Variants in EML5 observed in about 807,000 individuals in gnomAD.
EML5 encodes echinoderm microtubule-associated protein-like 5.
EML5 carries 120 observed loss-of-function variants against 250.0 expected under a neutral mutation model. The ratio of observed to expected loss-of-function variants is 0.48; its 90% CI spans 0.41 to 0.56. The LOEUF (loss-of-function observed/expected upper bound fraction) is 0.56. Ranked by LOEUF, EML5 falls within the 20% of genes least tolerant of loss-of-function variation. The pLI is 0.00. For missense variants in EML5, 2,006 were observed against 2,437.6 expected, an observed-to-expected ratio of 0.82 and a Z score of 3.73; for synonymous variants, 771 against 806.5, an observed-to-expected ratio of 0.96 and a Z score of 0.75.
intron 3 of EML5, among the ~76,000 whole-genome samples, chr14:88,745,267 T>A (rs1461935749): frequency 6.6e-6 from 1 of 151,878 alleles, no homozygotes; most frequent in Non-Finnish European, 1.5e-5. Context: ...CACAAAATTT[T>A]CTACCCAACT....
chr14:88,740,385 A>T lies in EML5; in HGVS notation c.711+2T>A. 6.2e-7 allele frequency: 1 copy of T among 1,604,546 alleles called. No individual in the cohort carries two copies. The highest frequency in any genetic ancestry group is 8.5e-7 in the Non-Finnish European group (1 of 1,175,708). On this transcript the variant is annotated splice_donor_variant, in intron 5 of 43. Transcript: ENST00000554922. LOFTEE classifies it high-confidence loss of function. ...GTGTTTAAAATACTTAAATGTACTTACAGCATGGGCTCCTTGTATTGTTCG... is the reference window on the plus strand; with the variant it reads ...GTGTTTAAAATACTTAAATGTACTTTCAGCATGGGCTCCTTGTATTGTTCG...
intron 16 of EML5, 146 bp from the exon 17 acceptor site, chr14:88,694,553 T>C (rs1451688493): frequency 1.6e-6 from 1 of 617,802 alleles, no homozygotes; most frequent in African/African-American, 1.9e-5. Context: ...GTATTTGTTC[T>C]TTTGTCATCA....
chr14:88,655,023 T>C (rs1227228551), intron 27 of EML5, among the ~76,000 whole-genome samples: 1 of 152,140 alleles, frequency 6.6e-6, no homozygotes, highest in Non-Finnish European at 1.5e-5. Context: ...CCTTTACCAT[T>C]ATGTAATGCC....
At chr14:88,777,025 T>C (rs2094453573) in intron 1 of EML5, among the ~76,000 whole-genome samples, 2 of 151,984 alleles carry the variant, frequency 1.3e-5, no homozygotes, top group African/African-American at 4.8e-5. Context: ...TTATTCAAAG[T>C]GATAACAACA....
chr14:88,640,355 C>A (rs945498623), intron 31 of EML5, among the ~76,000 whole-genome samples: 1 of 152,158 alleles, frequency 6.6e-6, no homozygotes, highest in African/African-American at 2.4e-5. Flanking sequence ...CTCTGCCATA[C>A]TCTCTACCCA....
intron 27 of EML5, among the ~76,000 whole-genome samples, chr14:88,655,265 G>T (rs2140875107): frequency 6.6e-6 from 1 of 152,184 alleles, no homozygotes; most frequent in East Asian, 1.9e-4. Context: ...GCATGGTACT[G>T]GTACCAAAAC....
intron 36 of EML5, chr14:88,623,334 TA>T (rs1284686310): frequency 2.0e-5 from 3 of 151,526 alleles, no homozygotes; most frequent in African/African-American, 7.3e-5. Flanking sequence ...ACTTCTTGAT[TA>T]GGAAGATGTA....
chr14:88,774,346 C>G (rs536319082), intron 1 of EML5, among the ~76,000 whole-genome samples: 89 of 152,236 alleles, frequency 5.8e-4, no homozygotes, highest in African/African-American at 1.9e-3. Context: ...CCAAGTAAAG[C>G]AGAAACTGCT....
At chr14:88,685,687 A>G (rs1188304194) in intron 19 of EML5, among the ~76,000 whole-genome samples, 1 of 151,836 alleles carries the variant, frequency 6.6e-6, no homozygotes, top group Non-Finnish European at 1.5e-5. Flanking sequence ...TGGGCTCAGG[A>G]GTTCCACCCA....
intron 33 of EML5, among the ~76,000 whole-genome samples, chr14:88,632,809 A>G (rs969680808): frequency 1.3e-5 from 2 of 152,178 alleles, no homozygotes; most frequent in Non-Finnish European, 1.5e-5. Context: ...CTTTATCCCT[A>G]TGTGACCAAC....
At position 88,644,114 on chromosome 14, in the gene EML5, C is replaced by T. The variant is rs2140673146; in HGVS notation, c.4107+319G>A. ...TACTCTTTAATTTACAAATTTAAGC[C>T]ACTAAATTTTAGATACTGCCAAGGT... On this transcript the variant is annotated intron_variant, in intron 30 of 43. Coordinates refer to ENST00000554922, the MANE Select transcript of EML5 (RefSeq NM_183387.3). Among the ~76,000 whole-genome samples the T allele has an allele frequency of 1.3e-5, 2 of 152,146 alleles. 1 individual carries two copies.
Position 88,624,963 on chromosome 14 carries a change from G to T in EML5, c.4898+7C>A. 1.2e-6 allele frequency: 2 copies of T among 1,612,294 alleles called. No homozygotes were observed. ...ATAAATATTCTGTGAAAAGAAAGAG[G>T]ACTCACGGCCTTTCCTTTCCCCCAG... On this transcript the variant is annotated splice_region_variant and intron_variant, in intron 36 of 43. Coordinates refer to ENST00000554922, the MANE Select transcript of EML5 (RefSeq NM_183387.3).
chr14:88,664,509 A>T lies in EML5; in HGVS notation c.3393T>A (p.Ile1131=). The T allele has an allele frequency of 6.2e-7, 1 of 1,605,590 alleles. No homozygotes were observed. Among genetic ancestry groups the T allele is most frequent in the Non-Finnish European group, 8.5e-7 (1 of 1,177,304 alleles). ...AAGTCTTACCTCTAATATCCCAATC[A>T]ATATGGGTTATGTAACTGGTAGCTC... The part of the protein sequence containing the change: ...CKGATSYITH[I]DWDIRGKLLQ... Residue 1131 remains isoleucine, a synonymous_variant, in exon 23 of 44, where the codon ATT becomes ATA. Coordinates refer to ENST00000554922, the MANE Select transcript of EML5 (RefSeq NM_183387.3).
intron 18 of EML5, among the ~76,000 whole-genome samples, chr14:88,687,924 G>A (rs1358939588): frequency 6.6e-6 from 1 of 152,096 alleles, no homozygotes; most frequent in Non-Finnish European, 1.5e-5. Context: ...TTAAAAATTA[G>A]ATGGGTGTGG....
Position 88,643,573 on chromosome 14 carries a change from G to T in EML5, c.4108-551C>A, listed in dbSNP as rs148343727. Among the ~76,000 whole-genome samples, 443 of 152,252 alleles carry T rather than the reference G, an allele frequency of 2.9e-3. 3 individuals are homozygous for T. The highest frequency in any genetic ancestry group is 0.01 in the African/African-American group (429 of 41,554). ...GCACCTGTGGATTTTGGCATCCCCAGGGGGAATCTATCCCCCATGGACATA... is the reference window on the plus strand; with the variant it reads ...GCACCTGTGGATTTTGGCATCCCCATGGGGAATCTATCCCCCATGGACATA... On this transcript the variant is annotated intron_variant, in intron 30 of 43. Transcript: ENST00000554922.
intron 9 of EML5, among the ~76,000 whole-genome samples, chr14:88,714,386 T>C (rs905789463): frequency 4.6e-5 from 7 of 151,866 alleles, no homozygotes; most frequent in Non-Finnish European, 8.8e-5. Flanking sequence ...CTGGGAGAGG[T>C]AGAGGTTGGT....
intron 2 of EML5, among the ~76,000 whole-genome samples, chr14:88,748,820 C>T (rs2094046711): frequency 6.6e-6 from 1 of 151,816 alleles, no homozygotes; most frequent in Non-Finnish European, 1.5e-5. Flanking sequence ...AACAGCAGCT[C>T]AGACAATGAT....
At chr14:88,721,989 T>G (rs2140021897) in intron 8 of EML5, among the ~76,000 whole-genome samples, 1 of 152,314 alleles carries the variant, frequency 6.6e-6, no homozygotes, top group Non-Finnish European at 1.5e-5. Flanking sequence ...ACAACATTTA[T>G]GTGGCCAACA....
chr14:88,729,436 C>T (rs2093718164), intron 7 of EML5, among the ~76,000 whole-genome samples: 1 of 151,994 alleles, frequency 6.6e-6, no homozygotes, highest in Non-Finnish European at 1.5e-5. Context: ...ATAATTTTTA[C>T]ATTTTTAAAT....
Sources: allele counts gnomAD v4.1 joint callset (sites outside exome capture counted in the v4.1 genomes callset), GRCh38; gene constraint gnomAD v4.1.1; transcripts MANE v1.5; gene names NCBI Gene and HGNC (gene_info 2026-07-23, HGNC 2026-07-21).